The following LPIN3 variants were observed in gnomAD, a reference collection of about 807,000 sequenced individuals.
LPIN3 encodes the protein lipin 3.
A neutral mutation model predicts 94.7 loss-of-function variants in LPIN3; 82 were observed. The observed-to-expected ratio is 0.87, with a 90% CI of 0.72 to 1.04. The LOEUF (loss-of-function observed/expected upper bound fraction) is 1.04. Ranked by LOEUF, LPIN3 falls within the 50% of genes least tolerant of loss-of-function variation. The probability of loss-of-function intolerance (pLI) is 0.00; values close to 1 mark genes in which losing one functional copy is unlikely to be tolerated. For synonymous variants in LPIN3, 418 were observed against 443.3 expected, an observed-to-expected ratio of 0.94 and a Z score of 0.72; for missense variants, 996 against 1,090.5, an observed-to-expected ratio of 0.91 and a Z score of 1.22.
At chr20:41,346,080 G>A in intron 2 of LPIN3, 85 bp downstream of exon 2, 1 of 1,393,616 alleles carries the variant, frequency 7.2e-7, no homozygotes, top group South Asian at 1.3e-5. Context: ...GACAGGACCT[G>A]GGGCCTCCCT....
chr20:41,349,678 A>C, intron 5 of LPIN3, 96 bp from the exon 6 acceptor site: 1 of 1,451,030 alleles, frequency 6.9e-7, no homozygotes. Context: ...CAACACAGGC[A>C]TAAATATAGG....
chr20:41,348,535 C>T, intron 3 of LPIN3, 84 bp from the exon 4 acceptor site: 2 of 1,517,434 alleles, frequency 1.3e-6, no homozygotes, highest in Middle Eastern at 1.9e-4. Flanking sequence ...GGGCTGGGAC[C>T]CAGGCAAGGC....
Position 41,354,726 on chromosome 20 carries a change from C to T in LPIN3, c.1609C>T (p.Leu537=). The T allele has an allele frequency of 6.2e-7, 1 of 1,607,778 alleles. No homozygotes were observed. The highest frequency in any genetic ancestry group is 8.5e-7 in the Non-Finnish European group (1 of 1,176,218). The change falls in exon 12 of 20, where the codon CTG becomes TTG. Residue 537 remains leucine, a synonymous_variant. Transcript: ENST00000373257. ...WWFSWRRRDF[L]AEERSAQKEK... is the part of the protein sequence containing the mutation. ...GTTTTCCTGGCGACGCAGGGACTTCCTGGCCGAGGAGGTGGGTGGTCACAG... is the reference window on the plus strand; with the variant it reads ...GTTTTCCTGGCGACGCAGGGACTTCTTGGCCGAGGAGGTGGGTGGTCACAG...
intron 5 of LPIN3, among the ~76,000 whole-genome samples, chr20:41,349,394 A>C (rs917853837): frequency 2.0e-5 from 3 of 151,932 alleles, no homozygotes; most frequent in Non-Finnish European, 4.4e-5. Flanking sequence ...AAGTGTATAC[A>C]GTTCAGTGGC....
At chr20:41,358,683 G>T (rs749048949) in intron 19 of LPIN3, 39 bp from the exon 20 acceptor site, 1 of 1,609,050 alleles carries the variant, frequency 6.2e-7, no homozygotes, top group Non-Finnish European at 8.5e-7. Flanking sequence ...ATCGTTTGGT[G>T]GCAGCTCAGG....
intron 2 of LPIN3, among the ~76,000 whole-genome samples, 163 bp downstream of exon 2, chr20:41,346,158 AT>A (rs1220848502): frequency 1.3e-5 from 2 of 151,938 alleles, no homozygotes; most frequent in Non-Finnish European, 2.9e-5. Flanking sequence ...TTTTGGGTTG[AT>A]TTGGGGGTTT....
chr20:41,356,696 G>T (rs1440395179), intron 14 of LPIN3, among the ~76,000 whole-genome samples: 1 of 152,182 alleles, frequency 6.6e-6, no homozygotes, highest in African/African-American at 2.4e-5. Flanking sequence ...TCTATGGAGG[G>T]GGGTGTTTTC....
chr20:41,357,071 A>T lies in LPIN3; in HGVS notation c.1835A>T (p.Asp612Val), dbSNP rs760857300. ...RRLNLQEGAN[D>V]VVFSVTTQYQ... ...CTGAACCTGCAAGAAGGTGCCAATGATGTGGTCTTCAGCGTGACCACTCAG... is the reference window on the plus strand; with the variant it reads ...CTGAACCTGCAAGAAGGTGCCAATGTTGTGGTCTTCAGCGTGACCACTCAG... The change falls in exon 15 of 20, where the codon GAT (aspartate) becomes GTT (valine). Residue 612 changes from aspartate to valine, a missense_variant. By Grantham distance (152) the Asp-to-Val change is radical (BLOSUM62 -3). Transcript: ENST00000373257. The T allele has an allele frequency of 3.1e-6, 5 of 1,613,954 alleles. No homozygotes were observed. In the East Asian group the frequency reaches 1.1e-4, roughly 36 times the overall value.
At chr20:41,343,760 G>A (rs1293285431) in intron 1 of LPIN3, among the ~76,000 whole-genome samples, 2 of 152,230 alleles carry the variant, frequency 1.3e-5, no homozygotes, top group African/African-American at 4.8e-5. Flanking sequence ...TCGGGATCCT[G>A]TTAAAATGCA....
chr20:41,342,508 G>C (rs370470998), intron 1 of LPIN3, among the ~76,000 whole-genome samples: 1 of 152,164 alleles, frequency 6.6e-6, no homozygotes, highest in Non-Finnish European at 1.5e-5. Context: ...ATGTTAGTTT[G>C]TGGGTGGAGG....
At chr20:41,354,221 A>T (rs2046127305) in intron 11 of LPIN3, among the ~76,000 whole-genome samples, 1 of 152,200 alleles carries the variant, frequency 6.6e-6, no homozygotes, top group Admixed American at 6.5e-5. Context: ...CAACCTTAGG[A>T]GGTTGCCTGG....
In LPIN3 at chr20:41,359,104, T is replaced by A; in HGVS notation, c.*238T>A. 3.0e-6 allele frequency: 1 copy of A among 337,520 alleles called. No individual in the cohort carries two copies. The highest frequency in any genetic ancestry group is 5.0e-5 in the East Asian group (1 of 19,924). The allele number at this position is 337,520 out of a possible 1,614,324, so 20.9% of individuals were successfully genotyped here. A position where few individuals can be genotyped will look rare whatever the true frequency, so the allele number is the denominator to read the frequency against. ...CTGTCCTGGGGCAATTAGCTTGTCA[T>A]CTGGGCCCTTGCAGGGTTCTTTTTT... On this transcript the variant is annotated 3_prime_UTR_variant, in exon 20 of 20. Transcript: ENST00000373257.
At chr20:41,354,924 C>A in intron 13 of LPIN3, 61 bp downstream of exon 13, 2 of 1,506,806 alleles carry the variant, frequency 1.3e-6, no homozygotes, top group South Asian at 2.5e-5. Context: ...GCCCTGGGTG[C>A]AGGTGGGTGG....
At chr20:41,344,967 A>G (rs1309624045) in intron 1 of LPIN3, among the ~76,000 whole-genome samples, 1 of 152,198 alleles carries the variant, frequency 6.6e-6, no homozygotes, top group Admixed American at 6.5e-5. Flanking sequence ...GCTATAGGGG[A>G]TGCTCTGCCT....
intron 3 of LPIN3, 89 bp downstream of exon 3, chr20:41,347,736 G>C: frequency 8.4e-7 from 1 of 1,196,638 alleles, no homozygotes; most frequent in Non-Finnish European, 1.2e-6. Flanking sequence ...CACCATCCTC[G>C]CCCTTCCCCG....
Position 41,358,507 on chromosome 20 carries a change from G to C in LPIN3, c.2376G>C (p.Glu792Asp), listed in dbSNP as rs951444852. ...TCTTCACAGTCAACCCCCGGGGAGA[G>C]CTCATCCAGGAGCTCATAAAGAACC... ...SRIFTVNPRG[E>D]LIQELIKNHK... Residue 792 changes from glutamate (E) to aspartate (D), a missense_variant, in exon 19 of 20, where the codon GAG becomes GAC. Physicochemically the swap from Glu to Asp is conservative, Grantham distance 45. Transcript: ENST00000373257. The C allele has an allele frequency of 1.2e-6, 2 of 1,614,094 alleles. No individual in the cohort carries two copies. Among genetic ancestry groups the C allele is most frequent in the Non-Finnish European group, 1.7e-6 (2 of 1,180,014 alleles).
intron 1 of LPIN3, among the ~76,000 whole-genome samples, chr20:41,341,655 C>T (rs548777342): frequency 6.6e-6 from 1 of 152,324 alleles, no homozygotes; most frequent in East Asian, 1.9e-4. Flanking sequence ...ATAGTGGTGC[C>T]ACCATTGTGC....
rs1322664913 is a variant in LPIN3, at chr20:41,358,228, C to T, written c.2193-9C>T. On this transcript the variant is annotated splice_polypyrimidine_tract_variant and intron_variant, in intron 17 of 19. Coordinates refer to ENST00000373257, the MANE Select transcript of LPIN3 (RefSeq NM_022896.3). ...GCCCCCTTCCCTGCTGTGGTTCTGG[C>T]CACCCCAGAGAGGTGATCGAGAAGA... 1 of 1,612,042 alleles carries T rather than the reference C, an allele frequency of 6.2e-7. No individual in the cohort carries two copies.
rs2046068923 is a variant in LPIN3 at position 41,352,703 on chromosome 20, A to T, written c.1457+4A>T. 1 of 1,613,960 alleles carries T rather than the reference A, an allele frequency of 6.2e-7. No homozygotes were observed. The highest frequency in any genetic ancestry group is 1.7e-5 in the Admixed American group (1 of 60,010). On this transcript the variant is annotated splice_donor_region_variant and intron_variant, in intron 10 of 19. Transcript: ENST00000373257. ...TAGTGGTGAAAATCAATGGAAAGTA[A>T]GTCCCAGAGCTGGGGCTGCTGGCAG...
Sources: allele counts gnomAD v4.1 joint callset (sites outside exome capture counted in the v4.1 genomes callset), GRCh38; gene constraint gnomAD v4.1.1; transcripts MANE v1.5; gene names NCBI Gene and HGNC (gene_info 2026-07-23, HGNC 2026-07-21).